Variants in BLOC1S3 observed in about 807,000 individuals in gnomAD.
The protein encoded by BLOC1S3 is biogenesis of lysosome-related organelles complex 1 subunit 3.
In BLOC1S3, 7 loss-of-function variants were observed where a neutral mutation model predicts 9.1. That is an observed-to-expected ratio of 0.77 (90% CI 0.44 to 1.45). The LOEUF (loss-of-function observed/expected upper bound fraction) is 1.45, where lower values mean the gene tolerates loss of function less well. BLOC1S3 is among the 40% of genes most tolerant of loss of function. The pLI, the probability that BLOC1S3 is intolerant of heterozygous loss-of-function variation, is 0.01. For missense variants in BLOC1S3, 307 were observed against 315.2 expected (o/e 0.97, Z 0.20); for synonymous variants, 145 against 158.4 (o/e 0.92, Z 0.64).
chr19:45,199,784 A>C (rs890285291), intron 2 of BLOC1S3, among the ~76,000 whole-genome samples: 30 of 148,322 alleles, frequency 2.0e-4, no homozygotes, highest in African/African-American at 7.5e-4. Flanking sequence ...TCTTTTTGAG[A>C]CAGAGTCTCA....
At chr19:45,207,083 C>G (rs1969732895) in intron 3 of BLOC1S3, among the ~76,000 whole-genome samples, 1 of 151,894 alleles carries the variant, frequency 6.6e-6, no homozygotes, top group African/African-American at 2.4e-5. Flanking sequence ...GTGATCCACC[C>G]TCCTCAGCCT....
At chr19:45,208,862 AT>A (rs1039089704) in intron 3 of BLOC1S3, among the ~76,000 whole-genome samples, 24 of 152,248 alleles carry the variant, frequency 1.6e-4, no homozygotes, top group African/African-American at 3.8e-4. Flanking sequence ...ATGAAAAAAA[AT>A]AACATATCAA....
chr19:45,185,647 G>T (rs113770457), downstream of BLOC1S3, among the ~76,000 whole-genome samples: 352 of 152,118 alleles, frequency 2.3e-3, 1 homozygote, highest in African/African-American at 8.2e-3. Flanking sequence ...TGTCTGTTGT[G>T]CATGGACTGC....
chr19:45,197,285 A>G (rs956169635), intron 2 of BLOC1S3, among the ~76,000 whole-genome samples: 1 of 151,956 alleles, frequency 6.6e-6, no homozygotes, highest in Non-Finnish European at 1.5e-5. Context: ...TCAGGAGTTC[A>G]AGACCAGCCT....
chr19:45,184,950 G>GA (rs1244987078), downstream of BLOC1S3, among the ~76,000 whole-genome samples: 12 of 145,532 alleles, frequency 8.2e-5, no homozygotes, highest in African/African-American at 2.5e-4. Context: ...GGGAGGGAGG[G>GA]AAGGAGGGAC....
At chr19:45,182,055 G>A (rs569290911), downstream of BLOC1S3, among the ~76,000 whole-genome samples, 1 of 152,182 alleles carries the variant, frequency 6.6e-6, no homozygotes, top group Non-Finnish European at 1.5e-5. Flanking sequence ...CACAGAGGTC[G>A]CAGTCCAGTG....
At position 45,179,147 on chromosome 19, in the gene BLOC1S3, G is replaced by T; in HGVS notation, c.-9-141G>T. The stretch of plus-strand genomic sequence containing the variant: ...CCCCATCATCACCCAGTTTACAGAA[G>T]AGGAAACTGAGGCCCAGACGGGGAG... On this transcript the variant is annotated intron_variant, in intron 1 of 1. Transcript: ENST00000433642. This position sits in a 1 kb window ranked among gnomAD's most constrained non-coding sequence, Gnocchi z 4.6. 1 of 933,400 alleles carries T rather than the reference G, an allele frequency of 1.1e-6. No homozygotes were observed. The highest frequency in any genetic ancestry group is 1.5e-6 in the Non-Finnish European group (1 of 672,646). 57.8% of individuals were successfully genotyped at this position (933,400 alleles called of 1,614,324 possible). A position where few individuals can be genotyped will look rare whatever the true frequency, so the allele number is the denominator to read the frequency against.
downstream of BLOC1S3, among the ~76,000 whole-genome samples, chr19:45,184,575 G>A (rs1230085055): frequency 2.0e-5 from 3 of 152,042 alleles, no homozygotes; most frequent in African/African-American, 7.2e-5. Flanking sequence ...CATTGCACTC[G>A]AGCCTGGGCA....
At chr19:45,198,617 G>T (rs900045862) in intron 2 of BLOC1S3, among the ~76,000 whole-genome samples, 4 of 151,722 alleles carry the variant, frequency 2.6e-5, no homozygotes, top group Non-Finnish European at 4.4e-5. Flanking sequence ...TCAATATGTC[G>T]TGCCACTCTA....
At position 45,179,675 on chromosome 19, in the gene BLOC1S3, G is replaced by A. The variant is rs1202332561; in HGVS notation, c.379G>A (p.Ala127Thr). The A allele has an allele frequency of 6.1e-6, 9 of 1,465,746 alleles. No homozygotes were observed. The highest frequency in any genetic ancestry group is 4.9e-5 in the Admixed American group (2 of 41,200). 90.8% of individuals were successfully genotyped at this position (1,465,746 alleles called of 1,614,324 possible). Reference protein sequence around the residue: ...QARLDHDVAAAVSGVYRRAGR... With the variant: ...QARLDHDVAATVSGVYRRAGR... ...GCGGCTGGACCACGACGTGGCGGCC[G>A]CCGTGAGCGGTGTCTACCGCCGTGC... The change falls in exon 2 of 2, where the codon GCC becomes ACC. Residue 127 changes from alanine (A) to threonine (T), a missense_variant. By Grantham distance (58) the Ala-to-Thr change is moderately conservative. Transcript: ENST00000433642. The surrounding 1 kb of genome is among the most constrained non-coding windows in gnomAD (Gnocchi z 4.6).
chr19:45,183,665 C>T (rs1393881922), downstream of BLOC1S3, among the ~76,000 whole-genome samples: 4 of 122,634 alleles, frequency 3.3e-5, no homozygotes, highest in East Asian at 5.0e-4. Flanking sequence ...CTCACTCTGT[C>T]GTTCAGGCTG....
At chr19:45,185,349 G>A (rs1969559208), downstream of BLOC1S3, among the ~76,000 whole-genome samples, 1 of 152,164 alleles carries the variant, frequency 6.6e-6, no homozygotes, top group Non-Finnish European at 1.5e-5. Flanking sequence ...ATGAATGAAT[G>A]GCCTTCACAC....
rs575184656 is a variant in BLOC1S3 at position 45,201,767 on chromosome 19, C to T, written n.181-639C>T. ...TCTTGATTTGTAGCTCCCATAATTC[C>T]CCTATGTTATAGGGGGTACCCAGTG... is the stretch of plus-strand genomic sequence containing the variant. On this transcript the variant is annotated intron_variant and non_coding_transcript_variant, in intron 2 of 3. Transcript: ENST00000591569. Among the ~76,000 whole-genome samples, 4 of 151,838 alleles carry T rather than the reference C, an allele frequency of 2.6e-5. No individual in the cohort carries two copies. The South Asian group carries it at 8.3e-4, about 32-fold the overall frequency.
intron 3 of BLOC1S3, among the ~76,000 whole-genome samples, chr19:45,203,262 G>GTTTATTTA (rs4012978): frequency 2.0e-5 from 3 of 149,794 alleles, no homozygotes; most frequent in Non-Finnish European, 3.0e-5. Context: ...TGCCTTTCAA[G>GTTTATTTA]TTTATTTATT....
At chr19:45,196,352 T>C (rs1969648136) in intron 2 of BLOC1S3, among the ~76,000 whole-genome samples, 1 of 152,120 alleles carries the variant, frequency 6.6e-6, no homozygotes, top group Non-Finnish European at 1.5e-5. Context: ...CAGTCTAGCC[T>C]GGGTGACATA....
Position 45,179,180 on chromosome 19 carries a change from C to T in BLOC1S3, c.-9-108C>T. The T allele has an allele frequency of 7.8e-7, 1 of 1,273,948 alleles. No individual in the cohort carries two copies. The highest frequency in any genetic ancestry group is 1.0e-6 in the Non-Finnish European group (1 of 976,786). 78.9% of individuals were successfully genotyped at this position (1,273,948 alleles called of 1,614,324 possible). On this transcript the variant is annotated intron_variant, in intron 1 of 1. Coordinates refer to ENST00000433642, the MANE Select transcript of BLOC1S3 (RefSeq NM_212550.5). This position sits in a 1 kb window ranked among gnomAD's most constrained non-coding sequence, Gnocchi z 4.6. The stretch of plus-strand genomic sequence containing the variant: ...TGAGGCCCAGACGGGGAGCAGCTGA[C>T]ACCAAGTCGTTAAGAGAATCAGCGA...
intron 2 of BLOC1S3, among the ~76,000 whole-genome samples, chr19:45,196,690 A>G (rs2122918194): frequency 6.6e-6 from 1 of 152,026 alleles, no homozygotes; most frequent in Non-Finnish European, 1.5e-5. Flanking sequence ...CAGGAGATCA[A>G]GACCATCCTG....
downstream of BLOC1S3, among the ~76,000 whole-genome samples, chr19:45,182,194 T>G (rs1305931914): frequency 6.7e-6 from 1 of 149,252 alleles, no homozygotes; most frequent in African/African-American, 2.5e-5. Flanking sequence ...ATACAAAAAT[T>G]TTGGGCGATG....
At chr19:45,197,670 C>T (rs1969659445) in intron 2 of BLOC1S3, among the ~76,000 whole-genome samples, 1 of 151,386 alleles carries the variant, frequency 6.6e-6, no homozygotes, top group Admixed American at 6.6e-5. Context: ...CACTAAAATA[C>T]AAAAATTAGC....
Sources: gnomAD v4.1 joint callset for allele counts (sites outside exome capture counted in the v4.1 genomes callset) on GRCh38, gnomAD v4.1.1 for gene constraint, Gnocchi (gnomAD v3.1) non-coding constraint, MANE v1.5 for transcripts, NCBI Gene and HGNC (gene_info 2026-07-23, HGNC 2026-07-21) for gene names.